DLGAP2: variants seen among roughly 807,000 people sequenced by gnomAD.
DLGAP2 encodes the protein disks large-associated protein 2.
A neutral mutation model predicts 100.3 loss-of-function variants in DLGAP2; 26 were observed. The ratio of observed to expected loss-of-function variants is 0.26; its 90% CI spans 0.19 to 0.36. The LOEUF is 0.36. DLGAP2 is among the 10% of genes least tolerant of loss of function. The probability of loss-of-function intolerance (pLI) is 1.00; values close to 1 mark genes in which losing one functional copy is unlikely to be tolerated. For synonymous variants in DLGAP2, 886 were observed against 630.1 expected (o/e 1.41, Z -6.08); for missense variants, 1,858 against 1,453.2 (o/e 1.28, Z -4.53).
Position 1,704,323 on chromosome 8 carries a change from A to G in DLGAP2, c.*2917A>G, listed in dbSNP as rs866372802. The stretch of plus-strand genomic sequence containing the variant: ...CTATAACCCCATACCTACATTCCCT[A>G]ATGATACAGCCAATGACAGGTGAAA... On this transcript the variant is annotated 3_prime_UTR_variant, in exon 15 of 15. Transcript: ENST00000637795. 8.5e-5 allele frequency: 13 copies of G among 152,206 alleles called. No individual in the cohort carries two copies. The highest frequency in any genetic ancestry group is 3.1e-4 in the African/African-American group (13 of 41,454). The allele number at this position is 152,206 out of a possible 1,614,324, so 9.4% of individuals were successfully genotyped here. A position where few individuals can be genotyped will look rare whatever the true frequency, so the allele number is the denominator to read the frequency against.
At chr8:1,682,161 C>G (rs1216888421) in intron 12 of DLGAP2, among the ~76,000 whole-genome samples, 1 of 152,228 alleles carries the variant, frequency 6.6e-6, no homozygotes, top group Non-Finnish European at 1.5e-5. Flanking sequence ...TTCTGGTCCT[C>G]CACGACTGTG....
chr8:1,703,667 T>C lies in DLGAP2; in HGVS notation c.*2261T>C, dbSNP rs965151251. On this transcript the variant is annotated 3_prime_UTR_variant, in exon 15 of 15. Transcript: ENST00000637795. The stretch of plus-strand genomic sequence containing the variant: ...CATTTCCTTGAGCTTATACAAAACA[T>C]AGAAAAGCAAACTGTTAAAGTAGTC... 4 of 152,160 alleles carry C rather than the reference T, an allele frequency of 2.6e-5. No individual in the cohort carries two copies. The highest frequency in any genetic ancestry group is 7.2e-5 in the African/African-American group (3 of 41,444). The allele number at this position is 152,160 out of a possible 1,614,324, so 9.4% of individuals were successfully genotyped here. A position where few individuals can be genotyped will look rare whatever the true frequency, so the allele number is the denominator to read the frequency against.
rs536900226 is a variant in DLGAP2 at position 904,249 on chromosome 8, A to T, written c.19-3663A>T. Among the ~76,000 whole-genome samples the T allele has an allele frequency of 9.9e-5, 15 of 152,198 alleles. No homozygotes were observed. The South Asian group carries it at 2.9e-3, about 29-fold the overall frequency. ...AAAATTACATTGCTGGCCAGGCGTG[A>T]TGGCTCATGCCTGTAATCCCAGCAC... On this transcript the variant is annotated intron_variant, in intron 1 of 14. Transcript: ENST00000637795.
At chr8:844,248 T>C (rs1177301806) in intron 1 of DLGAP2, among the ~76,000 whole-genome samples, 3 of 152,246 alleles carry the variant, frequency 2.0e-5, no homozygotes, top group Non-Finnish European at 1.5e-5. Flanking sequence ...GGATGGCTCA[T>C]GTATACATTG....
At chr8:1,415,642 C>T (rs1457126322) in intron 3 of DLGAP2, among the ~76,000 whole-genome samples, 1 of 152,170 alleles carries the variant, frequency 6.6e-6, no homozygotes, top group Non-Finnish European at 1.5e-5. Context: ...GGACGTGATT[C>T]CATTCTCTCT....
intron 2 of DLGAP2, among the ~76,000 whole-genome samples, chr8:965,691 T>A (rs7001743): frequency 3.0e-4 from 30 of 99,350 alleles, no homozygotes; most frequent in South Asian, 6.6e-4. Context: ...ACTGTTCACC[T>A]CACACGGCTC....
chr8:914,866 T>G (rs1798558180), intron 2 of DLGAP2, among the ~76,000 whole-genome samples: 1 of 152,212 alleles, frequency 6.6e-6, no homozygotes. Flanking sequence ...TTCTGTGTGG[T>G]GCAGATCTGT....
At position 1,067,603 on chromosome 8, in the gene DLGAP2, A is replaced by ATG. The variant is rs1563173889; in HGVS notation, c.73+159637_73+159638insTG. On this transcript the variant is annotated intron_variant, in intron 2 of 14. Coordinates refer to ENST00000637795, the MANE Select transcript of DLGAP2 (RefSeq NM_001346810.2). The stretch of plus-strand genomic sequence containing the variant: ...AAACCAAGACTCAGGTGGTTGAGTG[A>ATG]CGTGTGTGTGTGTGTGTGTGTGTGT... Among the ~76,000 whole-genome samples the ATG allele has an allele frequency of 1.2e-4, 12 of 101,034 alleles. No individual in the cohort carries two copies. In the East Asian group the frequency reaches 3.3e-3, roughly 28 times the overall value. The allele number at this position is 101,034 out of a possible 152,430, so 66.3% of individuals were successfully genotyped here. A position where few individuals can be genotyped will look rare whatever the true frequency, so the allele number is the denominator to read the frequency against.
intron 1 of DLGAP2, among the ~76,000 whole-genome samples, chr8:861,889 G>C (rs576113228): frequency 6.6e-6 from 1 of 152,264 alleles, no homozygotes; most frequent in East Asian, 1.9e-4. Flanking sequence ...TTATCCATTA[G>C]GTAATATTGT....
chr8:1,275,915 AAAT>A (rs1449891518), intron 3 of DLGAP2, among the ~76,000 whole-genome samples: 132 of 114,440 alleles, frequency 1.2e-3, no homozygotes, highest in African/African-American at 4.5e-3. Context: ...TATAATATAT[AAAT>A]AAATATATAT....
chr8:1,147,423 C>G (rs185032872), intron 2 of DLGAP2, among the ~76,000 whole-genome samples: 48 of 152,134 alleles, frequency 3.2e-4, no homozygotes, highest in Non-Finnish European at 1.5e-5. Context: ...AGACTTTCTA[C>G]ATTTATAAGT....
chr8:1,188,315 C>G (rs540156531), intron 2 of DLGAP2, among the ~76,000 whole-genome samples: 2 of 138,486 alleles, frequency 1.4e-5, no homozygotes, highest in South Asian at 2.4e-4. Context: ...CCCGGGACTT[C>G]CGTGACGTTT....
chr8:879,424 C>T (rs995997979), intron 1 of DLGAP2, among the ~76,000 whole-genome samples: 11 of 152,172 alleles, frequency 7.2e-5, no homozygotes, highest in African/African-American at 2.7e-4. Context: ...AGTTCCCATG[C>T]AGGTGTCACT....
chr8:1,262,985 T>C (rs1286384110), intron 3 of DLGAP2, among the ~76,000 whole-genome samples: 1 of 152,324 alleles, frequency 6.6e-6, no homozygotes, highest in African/African-American at 2.4e-5. Flanking sequence ...TGATGCCTGG[T>C]GGGGCCGGGA....
rs547610991 is a variant in DLGAP2 at position 842,232 on chromosome 8, C to T, written c.19-65680C>T. Reference sequence around the variant, plus strand: ...TCTGGAGTTTGTTGTCTAGAACTTTCTTCAAAACATATTCATGGGAACAAT... The same window carrying T: ...TCTGGAGTTTGTTGTCTAGAACTTTTTTCAAAACATATTCATGGGAACAAT... On this transcript the variant is annotated intron_variant, in intron 1 of 14. Coordinates refer to ENST00000637795, the MANE Select transcript of DLGAP2 (RefSeq NM_001346810.2). Among the ~76,000 whole-genome samples, 81 of 152,280 alleles carry T rather than the reference C, an allele frequency of 5.3e-4. No homozygotes were observed. The South Asian group carries it at 0.012, about 22-fold the overall frequency.
chr8:1,698,125 C>T (rs774403176), intron 14 of DLGAP2, among the ~76,000 whole-genome samples: 4 of 152,224 alleles, frequency 2.6e-5, no homozygotes, highest in Non-Finnish European at 4.4e-5. Context: ...TCATCATCAT[C>T]GGCTCCTCCC....
At chr8:902,605 G>A (rs1798275711) in intron 1 of DLGAP2, among the ~76,000 whole-genome samples, 1 of 63,926 alleles carries the variant, frequency 1.6e-5, no homozygotes, top group Non-Finnish European at 2.9e-5. Context: ...GGTGGCACGA[G>A]GAGATGGATG....
intron 3 of DLGAP2, chr8:1,379,542 C>T (rs1044670916): frequency 6.6e-6 from 1 of 152,220 alleles, no homozygotes; most frequent in African/African-American, 2.4e-5. Flanking sequence ...TATACTGAGG[C>T]GTCATATTCA....
intron 2 of DLGAP2, among the ~76,000 whole-genome samples, chr8:1,106,402 T>C (rs1233495353): frequency 6.7e-6 from 1 of 149,722 alleles, no homozygotes; most frequent in Non-Finnish European, 1.5e-5. Flanking sequence ...TCTAGGAGGG[T>C]TTTCTATTGA....
Sources: gnomAD v4.1 joint callset for allele counts (sites outside exome capture counted in the v4.1 genomes callset) on GRCh38, gnomAD v4.1.1 for gene constraint, MANE v1.5 for transcripts, NCBI Gene and HGNC (gene_info 2026-07-23, HGNC 2026-07-21) for gene names.